PKHD1L1: variants seen among roughly 807,000 people sequenced by gnomAD.
PKHD1L1 encodes PKHD1 like 1.
Under a neutral mutation model 462.9 loss-of-function variants are expected in PKHD1L1, and 434 were observed. The observed-to-expected ratio is 0.94, with a 90% CI of 0.87 to 1.02. PKHD1L1 has a LOEUF of 1.02. Ranked by LOEUF, PKHD1L1 falls within the 50% of genes least tolerant of loss-of-function variation. The pLI is 0.00. For missense variants in PKHD1L1, 5,202 were observed against 5,096.1 expected, an observed-to-expected ratio of 1.02 and a Z score of -0.63; for synonymous variants, 1,781 against 1,750.0, an observed-to-expected ratio of 1.02 and a Z score of -0.44.
At position 109,404,980 on chromosome 8, in the gene PKHD1L1, T is replaced by A; in HGVS notation, c.1534-15T>A. 2.1e-6 allele frequency: 3 copies of A among 1,432,246 alleles called. No homozygotes were observed. The highest frequency in any genetic ancestry group is 2.8e-6 in the Non-Finnish European group (3 of 1,073,718). The allele number at this position is 1,432,246 out of a possible 1,614,324, so 88.7% of individuals were successfully genotyped here. A position where few individuals can be genotyped will look rare whatever the true frequency, so the allele number is the denominator to read the frequency against. On this transcript the variant is annotated splice_polypyrimidine_tract_variant and intron_variant, in intron 15 of 77. Transcript: ENST00000378402. ...ATTTTTCATATATTAAAAATGTTTC[T>A]TAATTGGAAAATAGGTTATAACATT...
intron 40 of PKHD1L1, 123 bp from the exon 41 acceptor site, chr8:109,450,852 G>T: frequency 1.1e-6 from 1 of 934,054 alleles, no homozygotes; most frequent in East Asian, 2.7e-5. Flanking sequence ...ATGTAGCCTA[G>T]GTATATTGGA....
chr8:109,377,759 T>C (rs1811912616), intron 2 of PKHD1L1, among the ~76,000 whole-genome samples: 1 of 152,208 alleles, frequency 6.6e-6, no homozygotes, highest in Admixed American at 6.5e-5. Context: ...AACATTTTTA[T>C]TAGGAGAACA....
At chr8:109,413,381 G>A (rs772086376) in intron 20 of PKHD1L1, 40 bp from the exon 21 acceptor site, 26 of 1,321,344 alleles carry the variant, frequency 2.0e-5, no homozygotes, top group African/African-American at 4.5e-5. Context: ...CAATGTAATG[G>A]TAATATATTG....
chr8:109,431,848 T>G (rs1216189570), intron 27 of PKHD1L1, among the ~76,000 whole-genome samples: 3 of 152,174 alleles, frequency 2.0e-5, no homozygotes, highest in Non-Finnish European at 2.9e-5. Context: ...AGACGTGCTA[T>G]TACTGGATAA....
intron 50 of PKHD1L1, among the ~76,000 whole-genome samples, chr8:109,469,541 G>A (rs567162588): frequency 1.5e-3 from 235 of 152,290 alleles, no homozygotes; most frequent in Middle Eastern, 3.4e-3. Flanking sequence ...GAGCAGGGTA[G>A]AGAAGGGTGA....
chr8:109,443,755 C>G lies in PKHD1L1; in HGVS notation c.4644C>G (p.Thr1548=), dbSNP rs201810418. Residue 1548 remains threonine (T), a synonymous_variant, in exon 37 of 78, where the codon ACC becomes ACG. Coordinates refer to ENST00000378402, the MANE Select transcript of PKHD1L1 (RefSeq NM_177531.6). ...AACCCCTGTGCAGCCTGAACAATAC[C>G]AGGGTTAAAAATTCAAAAAGATTGC... The part of the protein sequence containing the change: ...ATEPLCSLNN[T]RVKNSKRLLF... The G allele has an allele frequency of 3.7e-6, 6 of 1,613,786 alleles. No homozygotes were observed. Among genetic ancestry groups the G allele is most frequent in the East Asian group, 4.5e-5 (2 of 44,866 alleles).
intron 28 of PKHD1L1, among the ~76,000 whole-genome samples, chr8:109,434,829 T>C (rs1815308335): frequency 6.6e-6 from 1 of 152,186 alleles, no homozygotes; most frequent in Non-Finnish European, 1.5e-5. Context: ...ATTTCAGACA[T>C]AATATGTTTG....
At chr8:109,510,066 G>A (rs1171781629) in intron 70 of PKHD1L1, among the ~76,000 whole-genome samples, 3 of 152,110 alleles carry the variant, frequency 2.0e-5, no homozygotes, top group African/African-American at 7.2e-5. Flanking sequence ...GTTTGATAGA[G>A]TGTTATTTCT....
intron 10 of PKHD1L1, among the ~76,000 whole-genome samples, chr8:109,395,220 T>C (rs919158196): frequency 6.6e-6 from 1 of 152,280 alleles, no homozygotes; most frequent in Non-Finnish European, 1.5e-5. Flanking sequence ...CTGAGATTTA[T>C]GCTCTCAGTG....
In PKHD1L1 at chr8:109,536,662, T is replaced by C. The variant is rs2131078901; in HGVS notation, c.*6572T>C. On this transcript the variant is annotated 3_prime_UTR_variant, in exon 78 of 78. Coordinates refer to ENST00000378402, the MANE Select transcript of PKHD1L1 (RefSeq NM_177531.6). Reference sequence around the variant, plus strand: ...TGAGAATTCACCTCATCTTTTCATTTGAATTTATTTCTACTAAAATATATG... The same window carrying C: ...TGAGAATTCACCTCATCTTTTCATTCGAATTTATTTCTACTAAAATATATG... 6.6e-6 allele frequency among the ~76,000 whole-genome samples: 1 copy of C among 152,338 alleles called. No individual in the cohort carries two copies. Among genetic ancestry groups the C allele is most frequent in the South Asian group, 2.1e-4 (1 of 4,830 alleles).
intron 56 of PKHD1L1, 95 bp downstream of exon 56, chr8:109,481,657 A>AG: frequency 6.2e-6 from 7 of 1,120,544 alleles, no homozygotes; most frequent in South Asian, 3.8e-5. Flanking sequence ...ATAATGATAA[A>AG]TACTTTATCA....
At chr8:109,386,560 C>A (rs954516558) in intron 6 of PKHD1L1, among the ~76,000 whole-genome samples, 2 of 152,070 alleles carry the variant, frequency 1.3e-5, no homozygotes, top group Non-Finnish European at 2.9e-5. Context: ...ATCTGGAATT[C>A]TATAGAATAG....
rs1419720345 is a variant in PKHD1L1, at chr8:109,491,912, A to G, written c.10154A>G (p.Asn3385Ser). The G allele has an allele frequency of 1.9e-6, 3 of 1,604,554 alleles. No homozygotes were observed. In the South Asian group the frequency reaches 3.3e-5, roughly 18 times the overall value. ...IWGNANRVRG[N>S]LIALSVWPGT... is the part of the protein sequence containing the mutation. ...GGGAATGCCAACCGAGTCCGAGGGA[A>G]TTTGATTGCACTTTCGGTTTGGCCA... Residue 3385 changes from asparagine to serine, a missense_variant, in exon 62 of 78, where the codon AAT becomes AGT. Transcript: ENST00000378402.
At chr8:109,387,761 A>G (rs1586408242) in intron 6 of PKHD1L1, among the ~76,000 whole-genome samples, 1 of 152,180 alleles carries the variant, frequency 6.6e-6, no homozygotes, top group Non-Finnish European at 1.5e-5. Flanking sequence ...TTCTGCAAAC[A>G]AAAGTCCTTA....
chr8:109,378,761 A>C (rs934427898), intron 2 of PKHD1L1, among the ~76,000 whole-genome samples: 5 of 152,218 alleles, frequency 3.3e-5, no homozygotes, highest in Non-Finnish European at 7.3e-5. Flanking sequence ...AAGAATGTAC[A>C]TGGGCTTCTG....
rs1817434442 is a variant in PKHD1L1 at position 109,466,265 on chromosome 8, A to G, written c.8414-313A>G. On this transcript the variant is annotated intron_variant, in intron 49 of 77. Coordinates refer to ENST00000378402, the MANE Select transcript of PKHD1L1 (RefSeq NM_177531.6). ...AGTTTCGAGTAAAGGCTTTATGGTC[A>G]TAACACCTGGATTTAAATCCTCTGT... is the stretch of plus-strand genomic sequence containing the variant. 2.6e-5 allele frequency among the ~76,000 whole-genome samples: 4 copies of G among 152,330 alleles called. No homozygotes were observed. In the South Asian group the frequency reaches 8.3e-4, roughly 32 times the overall value.
At chr8:109,507,981 C>G (rs912631698) in intron 69 of PKHD1L1, 86 bp downstream of exon 69, 2 of 1,514,346 alleles carry the variant, frequency 1.3e-6, no homozygotes, top group African/African-American at 2.8e-5. Context: ...GCCTACTCAA[C>G]CAATAACTTT....
intron 44 of PKHD1L1, 64 bp from the exon 45 acceptor site, chr8:109,454,659 T>C: frequency 6.3e-7 from 1 of 1,577,794 alleles, no homozygotes; most frequent in Non-Finnish European, 8.6e-7. Flanking sequence ...ACTACTTTTG[T>C]GTGATTAGAA....
chr8:109,378,944 G>A (rs1811972535), intron 2 of PKHD1L1, among the ~76,000 whole-genome samples: 1 of 152,156 alleles, frequency 6.6e-6, no homozygotes, highest in African/African-American at 2.4e-5. Flanking sequence ...CCCCCACAGA[G>A]GAGATGGAAT....
Sources: allele counts gnomAD v4.1 joint callset (sites outside exome capture counted in the v4.1 genomes callset), GRCh38; gene constraint gnomAD v4.1.1; transcripts MANE v1.5; gene names NCBI Gene and HGNC (gene_info 2026-07-23, HGNC 2026-07-21).